Variants in OR51B5 observed in about 807,000 individuals in gnomAD.
OR51B5 encodes olfactory receptor 51B5.
For synonymous variants in OR51B5, 186 were observed against 144.8 expected (o/e 1.28, Z -2.04); for missense variants, 456 against 374.6 (o/e 1.22, Z -1.79).
intron 1 of OR51B5, among the ~76,000 whole-genome samples, chr11:5,424,216 A>G (rs1850405948): frequency 6.6e-6 from 1 of 152,218 alleles, no homozygotes; most frequent in South Asian, 2.1e-4. Context: ...GTAGTGTTAC[A>G]GAACTTTCTC....
intron 1 of OR51B5, chr11:5,488,591 T>C (rs393725): frequency 0.97 from 822,137 of 850,576 alleles, 397,585 homozygotes; most frequent in South Asian, 0.99. Context: ...TTTTTTAGTC[T>C]AAAAAAGATT....
intron 1 of OR51B5, among the ~76,000 whole-genome samples, chr11:5,423,869 A>T (rs948547658): frequency 6.6e-5 from 10 of 152,160 alleles, no homozygotes; most frequent in Non-Finnish European, 1.3e-4. Flanking sequence ...TCAGAATTCA[A>T]ACTTCTTTCT....
At chr11:5,488,870 A>G in intron 1 of OR51B5, 1 of 1,614,000 alleles carries the variant, frequency 6.2e-7, no homozygotes, top group Non-Finnish European at 8.5e-7. Flanking sequence ...ATTGCCATGG[A>G]CAATGCTCTT....
intron 1 of OR51B5, among the ~76,000 whole-genome samples, chr11:5,438,355 A>ACCCC (rs35674866): frequency 2.1e-4 from 31 of 150,736 alleles, no homozygotes; most frequent in African/African-American, 7.6e-4. Context: ...TCATAGCAAC[A>ACCCC]CCCCCCCCCA....
chr11:5,435,750 T>C (rs1850583945), intron 1 of OR51B5, among the ~76,000 whole-genome samples: 1 of 152,158 alleles, frequency 6.6e-6, no homozygotes, highest in South Asian at 2.1e-4. Flanking sequence ...CAATCAATAG[T>C]CCAGTGTAAT....
chr11:5,384,362 G>C (rs1259214416), intron 1 of OR51B5, among the ~76,000 whole-genome samples: 2 of 152,138 alleles, frequency 1.3e-5, no homozygotes, highest in African/African-American at 2.4e-5. Flanking sequence ...TTTTCACTTG[G>C]AAAATGAAGT....
intron 1 of OR51B5, chr11:5,489,095 G>C (rs1343646560): frequency 6.2e-7 from 1 of 1,613,836 alleles, no homozygotes; most frequent in Non-Finnish European, 8.5e-7. Context: ...GTGGCTATCT[G>C]TAACCCATTA....
intron 1 of OR51B5, among the ~76,000 whole-genome samples, chr11:5,478,792 G>A (rs1024466237): frequency 1.3e-4 from 19 of 150,816 alleles, no homozygotes; most frequent in African/African-American, 2.7e-4. Flanking sequence ...GAAATGAAGC[G>A]TGAAGGGAAG....
At chr11:5,384,075 C>T (rs1589966540) in intron 1 of OR51B5, among the ~76,000 whole-genome samples, 1 of 152,148 alleles carries the variant, frequency 6.6e-6, no homozygotes, top group Non-Finnish European at 1.5e-5. Flanking sequence ...TAAGGCTTTT[C>T]CCCCAAATGT....
At chr11:5,455,767 G>A (rs1850948984) in intron 1 of OR51B5, 1 of 152,098 alleles carries the variant, frequency 6.6e-6, no homozygotes, top group Non-Finnish European at 1.5e-5. Flanking sequence ...GAGTCAGAAA[G>A]AGGGAGCTAT....
chr11:5,471,989 T>C (rs1851236697), intron 1 of OR51B5, among the ~76,000 whole-genome samples: 1 of 152,212 alleles, frequency 6.6e-6, no homozygotes, highest in Non-Finnish European at 1.5e-5. Context: ...CCAAACTGTC[T>C]TCCCACATTC....
intron 1 of OR51B5, among the ~76,000 whole-genome samples, chr11:5,387,234 G>C (rs753871514): frequency 6.6e-6 from 1 of 152,094 alleles, no homozygotes; most frequent in Non-Finnish European, 1.5e-5. Flanking sequence ...AATTTCTAGA[G>C]AGAGCTCTAA....
At chr11:5,467,317 T>C (rs981317532) in intron 1 of OR51B5, among the ~76,000 whole-genome samples, 6 of 152,218 alleles carry the variant, frequency 3.9e-5, no homozygotes, top group African/African-American at 1.4e-4. Context: ...CAGGGGGTGT[T>C]TGGGAGAAAT....
chr11:5,443,907 C>A (rs571945159), intron 1 of OR51B5, among the ~76,000 whole-genome samples: 1 of 152,086 alleles, frequency 6.6e-6, no homozygotes, highest in East Asian at 1.9e-4. Context: ...GAAAAATATA[C>A]ATTTTTACAC....
intron 1 of OR51B5, chr11:5,453,859 T>G (rs1392818120): frequency 6.2e-7 from 1 of 1,614,246 alleles, no homozygotes; most frequent in Admixed American, 1.7e-5. Flanking sequence ...GACCGCTATG[T>G]GGCCATTTGT....
chr11:5,412,483 C>T (rs986538233), intron 1 of OR51B5, among the ~76,000 whole-genome samples: 2 of 152,140 alleles, frequency 1.3e-5, no homozygotes, highest in African/African-American at 4.8e-5. Context: ...CGAAGCAGGG[C>T]GAGGCATTGC....
intron 1 of OR51B5, among the ~76,000 whole-genome samples, chr11:5,405,528 A>ACTTTT (rs1234936790): frequency 4.5e-5 from 2 of 44,004 alleles, no homozygotes; most frequent in African/African-American, 9.8e-5. Flanking sequence ...CTTAGAAAGA[A>ACTTTT]CTTTTTTTTT....
At chr11:5,429,957 TCA>T (rs1850511740) in intron 1 of OR51B5, among the ~76,000 whole-genome samples, 1 of 152,336 alleles carries the variant, frequency 6.6e-6, no homozygotes, top group East Asian at 1.9e-4. Context: ...CTGTTCATTC[TCA>T]GAGTGTCGGT....
At chr11:5,417,978 C>T (rs1203003787) in intron 1 of OR51B5, among the ~76,000 whole-genome samples, 1 of 148,268 alleles carries the variant, frequency 6.7e-6, no homozygotes, top group Non-Finnish European at 1.5e-5. Context: ...TTTATTGCGG[C>T]ACTACTCACA....
Sources: gnomAD v4.1 joint callset for allele counts (sites outside exome capture counted in the v4.1 genomes callset) on GRCh38, gnomAD v4.1.1 for gene constraint, MANE v1.5 for transcripts, NCBI Gene and HGNC (gene_info 2026-07-23, HGNC 2026-07-21) for gene names.